MAST4: variants seen among roughly 807,000 people sequenced by gnomAD.
MAST4 encodes microtubule-associated serine/threonine-protein kinase 4.
In MAST4, 89 loss-of-function variants were observed where a neutral mutation model predicts 162.7. That is an observed-to-expected ratio of 0.55 (90% CI 0.46 to 0.65). MAST4 has a LOEUF of 0.65. Among genes scored for constraint, MAST4 ranks in the 30% least tolerant of loss-of-function variants. The pLI, the probability that MAST4 is intolerant of heterozygous loss-of-function variation, is 0.00. For missense variants in MAST4, 3,153 were observed against 3,374.0 expected (o/e 0.93, Z 1.62); for synonymous variants, 1,479 against 1,361.1 (o/e 1.09, Z -1.91).
intron 3 of MAST4, among the ~76,000 whole-genome samples, chr5:66,871,227 C>T (rs1388369826): frequency 6.6e-6 from 1 of 152,104 alleles, no homozygotes; most frequent in African/African-American, 2.4e-5. Context: ...CGTATAAATA[C>T]AATTGATGTA....
intron 3 of MAST4, among the ~76,000 whole-genome samples, chr5:66,831,711 A>G (rs1757610128): frequency 6.6e-6 from 1 of 152,170 alleles, no homozygotes; most frequent in African/African-American, 2.4e-5. Context: ...TTCCAGTACT[A>G]CTGATAGCAC....
At chr5:66,845,362 T>G (rs1758773925) in intron 3 of MAST4, among the ~76,000 whole-genome samples, 1 of 151,706 alleles carries the variant, frequency 6.6e-6, no homozygotes, top group Non-Finnish European at 1.5e-5. Flanking sequence ...AGTAAGAACA[T>G]GCAGTGTTTG....
intron 4 of MAST4, among the ~76,000 whole-genome samples, chr5:66,988,867 A>G (rs527948214): frequency 6.6e-6 from 1 of 152,332 alleles, no homozygotes; most frequent in East Asian, 1.9e-4. Context: ...GAACACATAC[A>G]TGGTTCACAT....
At chr5:66,898,913 C>T (rs1762844542) in intron 3 of MAST4, among the ~76,000 whole-genome samples, 1 of 152,070 alleles carries the variant, frequency 6.6e-6, no homozygotes, top group Non-Finnish European at 1.5e-5. Flanking sequence ...GATAGCTGAG[C>T]CTGCTGTCCA....
chr5:66,885,441 C>T lies in MAST4; in HGVS notation c.643-14510C>T, dbSNP rs112097009. ...GTCATAGCAAGAAATACTTTTTCTCCTGTAATGTAATGAAAGCTATGCAAG... is the reference window on the plus strand; with the variant it reads ...GTCATAGCAAGAAATACTTTTTCTCTTGTAATGTAATGAAAGCTATGCAAG... On this transcript the variant is annotated intron_variant, in intron 3 of 28. Transcript: ENST00000403625. Among the ~76,000 whole-genome samples, 1,155 of 152,236 alleles carry T rather than the reference C, an allele frequency of 7.6e-3. 20 individuals carry two copies. The highest frequency in any genetic ancestry group is 0.026 in the African/African-American group (1,093 of 41,528).
chr5:66,764,472 A>G (rs1316730661), intron 2 of MAST4, among the ~76,000 whole-genome samples: 5 of 152,160 alleles, frequency 3.3e-5, no homozygotes, highest in Non-Finnish European at 7.4e-5. Flanking sequence ...TGTGCCACAT[A>G]AAGTCATTTT....
At chr5:66,995,074 G>A (rs755242975) in intron 4 of MAST4, among the ~76,000 whole-genome samples, 145 of 152,266 alleles carry the variant, frequency 9.5e-4, no homozygotes, top group Admixed American at 1.6e-3. Flanking sequence ...TTGCCCAGTT[G>A]CCATAGACAA....
intron 6 of MAST4, 73 bp from the exon 7 acceptor site, chr5:67,095,524 T>C: frequency 8.7e-7 from 1 of 1,148,826 alleles, no homozygotes; most frequent in Non-Finnish European, 1.2e-6. Context: ...TGACTAAAAA[T>C]ACTTAGTTTC....
chr5:67,006,444 G>A (rs1169930633), intron 4 of MAST4, among the ~76,000 whole-genome samples: 2 of 152,212 alleles, frequency 1.3e-5, no homozygotes, highest in African/African-American at 2.4e-5. Flanking sequence ...TAAAGTTGAA[G>A]AGAGATACAT....
chr5:66,911,354 C>A (rs1039466531), intron 4 of MAST4, among the ~76,000 whole-genome samples: 1 of 152,096 alleles, frequency 6.6e-6, no homozygotes, highest in African/African-American at 2.4e-5. Flanking sequence ...GTGGCAGGAA[C>A]CTGACCTAGC....
intron 1 of MAST4, among the ~76,000 whole-genome samples, chr5:66,743,538 A>G (rs1406777440): frequency 6.6e-6 from 1 of 152,218 alleles, no homozygotes; most frequent in Non-Finnish European, 1.5e-5. Flanking sequence ...CAGGCCTGGC[A>G]CTGGGTCAGA....
intron 1 of MAST4, among the ~76,000 whole-genome samples, chr5:66,750,623 C>G (rs367795837): frequency 1.3e-5 from 2 of 152,208 alleles, no homozygotes; most frequent in Admixed American, 1.3e-4. Context: ...GATTATATCC[C>G]GCACCTGGCT....
At chr5:66,723,568 A>T (rs947776681) in intron 1 of MAST4, among the ~76,000 whole-genome samples, 2 of 152,130 alleles carry the variant, frequency 1.3e-5, no homozygotes, top group Non-Finnish European at 2.9e-5. Context: ...TTTATTTTTG[A>T]TCACATATCG....
At chr5:66,942,766 A>G (rs371760903) in intron 4 of MAST4, among the ~76,000 whole-genome samples, 2 of 152,174 alleles carry the variant, frequency 1.3e-5, no homozygotes, top group East Asian at 1.9e-4. Flanking sequence ...GAATGATAGT[A>G]TAACATAAGG....
In MAST4 at chr5:66,788,717, T is replaced by C. The variant is rs757271307; in HGVS notation, c.565T>C (p.Ser189Pro). ...GGTGGCGGGACAGGCCTGGCCGGCC[T>C]CTGCAGAGACGTCCAACCTCGTGCG... The part of the protein sequence containing the change: ...NPVAGQAWPA[S>P]AETSNLVRMR... The change falls in exon 3 of 29, where the codon TCT (serine) becomes CCT (proline). Residue 189 changes from serine to proline, a missense_variant. By Grantham distance (74) the Ser-to-Pro change is moderately conservative. Around this residue, in one of 7 missense-constraint regions of MAST4, gnomAD observed 327 missense variants for 336.5 expected, o/e 0.97. Transcript: ENST00000403625. 1.9e-6 allele frequency: 3 copies of C among 1,613,044 alleles called. No homozygotes were observed. Among genetic ancestry groups the C allele is most frequent in the South Asian group, 2.2e-5 (2 of 91,070 alleles).
chr5:66,779,963 A>G (rs534000281), intron 2 of MAST4, among the ~76,000 whole-genome samples: 2 of 152,314 alleles, frequency 1.3e-5, no homozygotes, highest in Non-Finnish European at 2.9e-5. Context: ...GTTAATGTGG[A>G]TACCTCCTTT....
chr5:66,617,410 T>G (rs1743764400), intron 1 of MAST4, among the ~76,000 whole-genome samples: 1 of 152,094 alleles, frequency 6.6e-6, no homozygotes, highest in African/African-American at 2.4e-5. Context: ...AATTTACTCA[T>G]GATTCACATG....
chr5:66,663,723 AGGACCTGTG>A (rs573576159), intron 1 of MAST4, among the ~76,000 whole-genome samples: 189 of 152,338 alleles, frequency 1.2e-3, no homozygotes, highest in Admixed American at 2.0e-3. Flanking sequence ...CAGATTATAT[AGGACCTGTG>A]GGCCATTTTT....
At position 66,596,521 on chromosome 5, in the gene MAST4, G is replaced by C. The variant is rs1253475980; in HGVS notation, c.-135G>C. Reference sequence around the variant, plus strand: ...GCGGCCCCGTCACTGCCATGTAGTCGCTGGCGGGGCTCCCTGCAGCCCGGG... The same window carrying C: ...GCGGCCCCGTCACTGCCATGTAGTCCCTGGCGGGGCTCCCTGCAGCCCGGG... On this transcript the variant is annotated 5_prime_UTR_variant, in exon 1 of 29. Transcript: ENST00000403625. The C allele has an allele frequency of 2.7e-6, 3 of 1,108,366 alleles. No homozygotes were observed. In the East Asian group the frequency reaches 9.7e-5, roughly 36 times the overall value. 68.7% of individuals were successfully genotyped at this position (1,108,366 alleles called of 1,614,324 possible).
Sources: gnomAD v4.1 joint callset for allele counts (sites outside exome capture counted in the v4.1 genomes callset) on GRCh38, gnomAD v4.1.1 for gene constraint, gnomAD v4.1.1 regional missense constraint, MANE v1.5 for transcripts, NCBI Gene and HGNC (gene_info 2026-07-23, HGNC 2026-07-21) for gene names.